Variants in FAM107B observed in about 807,000 individuals in gnomAD.
FAM107B encodes family with sequence similarity 107 member B.
Under a neutral mutation model 31.5 loss-of-function variants are expected in FAM107B, and 21 were observed. That is an observed-to-expected ratio of 0.67 (90% CI 0.47 to 0.96). FAM107B has a LOEUF of 0.96. Among genes scored for constraint, FAM107B ranks in the 40% least tolerant of loss-of-function variants. FAM107B has a pLI of 0.00. For missense variants in FAM107B, 452 were observed against 377.1 expected (o/e 1.20, Z -1.64); for synonymous variants, 157 against 141.5 (o/e 1.11, Z -0.78).
intron 2 of FAM107B, among the ~76,000 whole-genome samples, chr10:14,563,396 T>C (rs995697950): frequency 6.6e-6 from 1 of 152,212 alleles, no homozygotes; most frequent in Non-Finnish European, 1.5e-5. Flanking sequence ...AATACACACC[T>C]CTTTTCATTT....
intron 2 of FAM107B, chr10:14,553,499 C>T: frequency 2.1e-6 from 1 of 486,226 alleles, no homozygotes; most frequent in Non-Finnish European, 3.5e-6. Flanking sequence ...ACCCTTAGCT[C>T]AAATTAACAA....
chr10:14,765,204 T>G (rs559145352), intron 1 of FAM107B, among the ~76,000 whole-genome samples: 23 of 152,326 alleles, frequency 1.5e-4, no homozygotes, highest in African/African-American at 5.3e-4. Flanking sequence ...AAATAAACGG[T>G]GCTTTAAAAT....
chr10:14,692,090 GC>G (rs906714342), intron 1 of FAM107B, among the ~76,000 whole-genome samples: 1 of 152,096 alleles, frequency 6.6e-6, no homozygotes, highest in Admixed American at 6.6e-5. Context: ...TCCTGCAATT[GC>G]GGTTTAATCT....
chr10:14,647,350 C>G (rs921966987), intron 2 of FAM107B, among the ~76,000 whole-genome samples: 1 of 152,150 alleles, frequency 6.6e-6, no homozygotes, highest in African/African-American at 2.4e-5. Flanking sequence ...TACTAACCAA[C>G]TGGTAGGCAG....
intron 2 of FAM107B, chr10:14,556,313 C>G (rs1849695182): frequency 1.0e-6 from 1 of 972,752 alleles, no homozygotes; most frequent in Non-Finnish European, 1.2e-6. Context: ...TTGATAAAGT[C>G]ATCAATGGTG....
intron 2 of FAM107B, among the ~76,000 whole-genome samples, chr10:14,542,990 A>G (rs1012390439): frequency 6.6e-6 from 1 of 152,248 alleles, no homozygotes; most frequent in Non-Finnish European, 1.5e-5. Context: ...AATCCTGCCC[A>G]ATTAATGGAT....
chr10:14,655,414 A>C (rs1256998122), intron 2 of FAM107B, among the ~76,000 whole-genome samples: 6 of 152,236 alleles, frequency 3.9e-5, no homozygotes, highest in Admixed American at 2.0e-4. Context: ...TCAGCCTCAC[A>C]AATATTTTGT....
intron 2 of FAM107B, among the ~76,000 whole-genome samples, chr10:14,572,761 T>TATATATATATATATATATTATA (rs1554835550): frequency 1.3e-5 from 1 of 76,038 alleles, no homozygotes; most frequent in Non-Finnish European, 2.7e-5. Context: ...ATATATATAT[T>TATATATATATATATATATTATA]AGAGTGTGTG....
At chr10:14,695,554 A>C (rs1003970574) in intron 1 of FAM107B, among the ~76,000 whole-genome samples, 5 of 152,146 alleles carry the variant, frequency 3.3e-5, no homozygotes, top group African/African-American at 1.2e-4. Flanking sequence ...TAGGGATTGC[A>C]CTGAATCTGT....
intron 1 of FAM107B, among the ~76,000 whole-genome samples, chr10:14,756,671 C>T (rs553156143): frequency 6.6e-6 from 1 of 152,112 alleles, no homozygotes; most frequent in East Asian, 1.9e-4. Flanking sequence ...GGGTATACAC[C>T]CAAAGGAATA....
At chr10:14,746,022 T>C (rs931682391) in intron 1 of FAM107B, among the ~76,000 whole-genome samples, 3 of 152,190 alleles carry the variant, frequency 2.0e-5, no homozygotes, top group Non-Finnish European at 2.9e-5. Flanking sequence ...GCTCTTCTTG[T>C]TGAGTTGATC....
intron 2 of FAM107B, among the ~76,000 whole-genome samples, chr10:14,652,071 T>C (rs749702825): frequency 6.6e-6 from 1 of 152,184 alleles, no homozygotes; most frequent in Non-Finnish European, 1.5e-5. Flanking sequence ...GGGATGTTTG[T>C]TGTCTTTGAT....
At chr10:14,753,754 A>G (rs768005246) in intron 1 of FAM107B, among the ~76,000 whole-genome samples, 8 of 152,092 alleles carry the variant, frequency 5.3e-5, no homozygotes, top group Admixed American at 4.6e-4. Flanking sequence ...ACTGTTTCTC[A>G]AAGAAGAGAA....
intron 2 of FAM107B, among the ~76,000 whole-genome samples, chr10:14,624,931 A>T (rs1015020025): frequency 6.6e-6 from 1 of 152,144 alleles, no homozygotes; most frequent in African/African-American, 2.4e-5. Context: ...TGTTGATCAG[A>T]ATGTCATGTG....
intron 1 of FAM107B, among the ~76,000 whole-genome samples, chr10:14,674,614 T>G (rs144172037): frequency 8.2e-4 from 125 of 152,322 alleles, no homozygotes; most frequent in South Asian, 4.3e-3. Context: ...CCTCCCAGAC[T>G]GGTGACAGGT....
chr10:14,714,136 A>C (rs530357672), intron 1 of FAM107B, among the ~76,000 whole-genome samples: 5 of 152,350 alleles, frequency 3.3e-5, no homozygotes, highest in African/African-American at 1.2e-4. Flanking sequence ...TGTGACACAC[A>C]ATTCACCTAT....
intron 2 of FAM107B, among the ~76,000 whole-genome samples, chr10:14,576,392 T>C (rs965607575): frequency 3.3e-5 from 5 of 152,118 alleles, no homozygotes; most frequent in African/African-American, 1.2e-4. Flanking sequence ...CTGGGCGTGG[T>C]GGTGGGCACC....
chr10:14,604,330 C>CCGAGGCGGCG, intron 2 of FAM107B: 1 of 913,842 alleles, frequency 1.1e-6, no homozygotes, highest in Non-Finnish European at 1.3e-6. Context: ...CGGCGGCGGC[C>CCGAGGCGGCG]CGAGGCGGCG....
chr10:14,622,869 A>G (rs1588664568), intron 2 of FAM107B, among the ~76,000 whole-genome samples: 1 of 152,212 alleles, frequency 6.6e-6, no homozygotes, highest in East Asian at 1.9e-4. Flanking sequence ...AGTTCCCTGT[A>G]GAAATCACAG....
Sources: gnomAD v4.1 joint callset for allele counts (sites outside exome capture counted in the v4.1 genomes callset) on GRCh38, gnomAD v4.1.1 for gene constraint, MANE v1.5 for transcripts, NCBI Gene and HGNC (gene_info 2026-07-23, HGNC 2026-07-21) for gene names.